SCN11A: variants seen among roughly 807,000 people sequenced by gnomAD.
The protein encoded by SCN11A is sodium voltage-gated channel alpha subunit 11, also known as sodium channel protein type 11 subunit alpha.
Under a neutral mutation model 162.2 loss-of-function variants are expected in SCN11A, and 122 were observed. The observed-to-expected ratio is 0.75, with a 90% confidence interval of 0.65 to 0.87. The LOEUF is 0.87. SCN11A is among the 40% of genes least tolerant of loss of function. The pLI is 0.00. For missense variants in SCN11A, 2,015 were observed against 2,181.6 expected, an observed-to-expected ratio of 0.92 and a Z score of 1.52; for synonymous variants, 758 against 751.5, an observed-to-expected ratio of 1.01 and a Z score of -0.14.
intron 2 of SCN11A, among the ~76,000 whole-genome samples, chr3:39,032,162 T>C (rs570090688): frequency 2.6e-5 from 4 of 152,328 alleles, no homozygotes; most frequent in South Asian, 4.1e-4. Flanking sequence ...ATAAACTCAG[T>C]TGCTCAAAAA....
chr3:38,995,067 C>G (rs550433150), intron 2 of SCN11A, among the ~76,000 whole-genome samples: 1 of 152,230 alleles, frequency 6.6e-6, no homozygotes, highest in East Asian at 1.9e-4. Flanking sequence ...GTAGAAAAGA[C>G]TTAGTGTGAC....
intron 2 of SCN11A, among the ~76,000 whole-genome samples, chr3:39,012,542 G>A (rs1292777023): frequency 7.1e-6 from 1 of 141,172 alleles, no homozygotes; most frequent in Non-Finnish European, 1.5e-5. Context: ...GTGCAGTGAT[G>A]CTATCTTGGC....
At chr3:38,913,170 C>T (rs2065909920) in intron 11 of SCN11A, among the ~76,000 whole-genome samples, 1 of 152,142 alleles carries the variant, frequency 6.6e-6, no homozygotes, top group South Asian at 2.1e-4. Context: ...CTAATGATAG[C>T]CATTCTGACT....
chr3:38,849,921 T>C (rs1468948613), intron 29 of SCN11A: 1 of 152,440 alleles, frequency 6.6e-6, no homozygotes, highest in Non-Finnish European at 1.5e-5. Context: ...ACATGGGATA[T>C]AGAATAGAAA....
At chr3:38,934,348 T>C (rs899866697) in intron 7 of SCN11A, among the ~76,000 whole-genome samples, 2 of 152,124 alleles carry the variant, frequency 1.3e-5, no homozygotes, top group Non-Finnish European at 1.5e-5. Flanking sequence ...AACATCATAA[T>C]GACAGGATCA....
intron 16 of SCN11A, 121 bp from the exon 17 acceptor site, chr3:38,900,194 T>C (rs968366326): frequency 1.4e-6 from 1 of 716,992 alleles, no homozygotes; most frequent in South Asian, 1.9e-5. Flanking sequence ...TGACACACTA[T>C]ACCCTAAAGT....
intron 23 of SCN11A, 31 bp from the exon 24 acceptor site, chr3:38,872,325 C>T (rs1198505934): frequency 1.3e-5 from 16 of 1,204,762 alleles, no homozygotes; most frequent in Non-Finnish European, 2.0e-5. Flanking sequence ...AGATAATGTA[C>T]CTGACTTGGT....
intron 24 of SCN11A, among the ~76,000 whole-genome samples, chr3:38,871,961 C>T (rs1045223305): frequency 1.3e-5 from 2 of 152,148 alleles, no homozygotes; most frequent in Non-Finnish European, 2.9e-5. Flanking sequence ...TGGACACCTA[C>T]CCCAGGATTC....
chr3:38,927,239 C>T (rs1409116089), intron 7 of SCN11A, among the ~76,000 whole-genome samples: 1 of 152,130 alleles, frequency 6.6e-6, no homozygotes, highest in Non-Finnish European at 1.5e-5. Flanking sequence ...TTTGTCACCA[C>T]CATTCTAGAG....
At chr3:38,925,558 T>C in intron 8 of SCN11A, 49 bp from the exon 9 acceptor site, 1 of 1,277,534 alleles carries the variant, frequency 7.8e-7, no homozygotes. Context: ...GTCCTGCAGC[T>C]GCACTGCACA....
chr3:38,894,790 T>G lies in SCN11A; in HGVS notation c.2578A>C (p.Lys860Gln). 1 of 1,614,178 alleles carries G rather than the reference T, an allele frequency of 6.2e-7. No individual in the cohort carries two copies. The highest frequency in any genetic ancestry group is 8.5e-7 in the Non-Finnish European group (1 of 1,180,022). Residue 860 changes from lysine to glutamine, a missense_variant, in exon 19 of 30, where the codon AAG (lysine) becomes CAG (glutamine). Physicochemically the swap from Lys to Gln is moderately conservative, Grantham distance 53 (BLOSUM62 1). Coordinates refer to ENST00000302328, the MANE Select transcript of SCN11A (RefSeq NM_001349253.2). ...TCTTTTTGCTGTGGTAAGTTTTGCT[T>G]CCTGCACCACTTGTGACAGAAATGC... ...LEHFCHKWCR[K>Q]QNLPQQKEVA... is the part of the protein sequence containing the mutation.
At position 38,878,187 on chromosome 3, in the gene SCN11A, T is replaced by C. The variant is rs537730131; in HGVS notation, c.3393+1763A>G. Among the ~76,000 whole-genome samples the C allele has an allele frequency of 2.0e-5, 3 of 151,350 alleles. No individual in the cohort carries two copies. The South Asian group carries it at 6.3e-4, about 32-fold the overall frequency. On this transcript the variant is annotated intron_variant, in intron 23 of 29. Coordinates refer to ENST00000302328, the MANE Select transcript of SCN11A (RefSeq NM_001349253.2). ...GAAATATAATAAATAAATAAATAAA[T>C]AAATAAACCCACCCATCTCAGCCTG...
intron 2 of SCN11A, among the ~76,000 whole-genome samples, chr3:39,011,207 T>C (rs1416229595): frequency 1.3e-5 from 2 of 152,206 alleles, no homozygotes; most frequent in African/African-American, 2.4e-5. Context: ...TTCAGGAAAG[T>C]AGAAGTTACA....
chr3:39,015,190 C>T (rs11715241), intron 2 of SCN11A, among the ~76,000 whole-genome samples: 1 of 152,174 alleles, frequency 6.6e-6, no homozygotes, highest in African/African-American at 2.4e-5. Context: ...TATAAAAGGG[C>T]AAATTTAGCC....
chr3:38,987,301 TCTCACACACACACACA>T (rs2030288149), intron 2 of SCN11A, among the ~76,000 whole-genome samples: 2 of 113,520 alleles, frequency 1.8e-5, no homozygotes, highest in African/African-American at 8.1e-5. Context: ...TCTCTCTCTC[TCTCACACACACACACA>T]CACACACACA....
intron 2 of SCN11A, among the ~76,000 whole-genome samples, chr3:39,011,579 T>A (rs896140428): frequency 2.6e-5 from 4 of 152,352 alleles, no homozygotes; most frequent in South Asian, 4.1e-4. Context: ...TATGATAAGA[T>A]ATTATCTTTA....
At chr3:38,881,733 T>C (rs1440034386) in intron 22 of SCN11A, among the ~76,000 whole-genome samples, 1 of 152,180 alleles carries the variant, frequency 6.6e-6, no homozygotes, top group African/African-American at 2.4e-5. Flanking sequence ...TTGATGTCTC[T>C]TGTTCTCATT....
intron 21 of SCN11A, among the ~76,000 whole-genome samples, chr3:38,884,480 C>T (rs531900044): frequency 6.6e-6 from 1 of 152,322 alleles, no homozygotes; most frequent in South Asian, 2.1e-4. Flanking sequence ...TTTTTAGATT[C>T]ATTCATTAAT....
chr3:38,962,133 C>T (rs562928070), intron 2 of SCN11A, among the ~76,000 whole-genome samples: 1 of 152,300 alleles, frequency 6.6e-6, no homozygotes, highest in Admixed American at 6.5e-5. Context: ...TGTCCTTTCC[C>T]CACTTTATGT....
Sources: gnomAD v4.1 joint callset for allele counts (sites outside exome capture counted in the v4.1 genomes callset) on GRCh38, gnomAD v4.1.1 for gene constraint, MANE v1.5 for transcripts, NCBI Gene and HGNC (gene_info 2026-07-23, HGNC 2026-07-21) for gene names.